The following NADK2 variants were observed in gnomAD, a reference collection of about 807,000 sequenced individuals.
NADK2 encodes NAD kinase domain-containing protein 1, mitochondrial.
Under a neutral mutation model 62.1 loss-of-function variants are expected in NADK2, and 35 were observed. The observed-to-expected ratio is 0.56, with a 90% CI of 0.43 to 0.75. The LOEUF (loss-of-function observed/expected upper bound fraction) is 0.75. Among genes scored for constraint, NADK2 ranks in the 30% least tolerant of loss-of-function variants. The pLI, the probability that NADK2 is intolerant of heterozygous loss-of-function variation, is 0.00. For synonymous variants in NADK2, 205 were observed against 207.9 expected, an observed-to-expected ratio of 0.99 and a Z score of 0.12; for missense variants, 439 against 561.3, an observed-to-expected ratio of 0.78 and a Z score of 2.20.
intron 4 of NADK2, among the ~76,000 whole-genome samples, chr5:36,224,036 G>A (rs1251288160): frequency 6.6e-6 from 1 of 152,130 alleles, no homozygotes; most frequent in Non-Finnish European, 1.5e-5. Context: ...ATTGAAGAAA[G>A]AAGGATAAGG....
At chr5:36,225,434 TA>T in intron 4 of NADK2, 107 bp downstream of exon 4, 1 of 829,000 alleles carries the variant, frequency 1.2e-6, no homozygotes. Context: ...AGACAGACCA[TA>T]AAAAGATACT....
intron 4 of NADK2, 22 bp from the exon 5 acceptor site, chr5:36,219,701 T>A (rs760676232): frequency 3.8e-6 from 6 of 1,599,798 alleles, no homozygotes; most frequent in Non-Finnish European, 5.1e-6. Context: ...CAGGAATTTT[T>A]TGGTGATATA....
chr5:36,240,665 A>G (rs1251780174), intron 1 of NADK2, among the ~76,000 whole-genome samples: 4 of 152,184 alleles, frequency 2.6e-5, no homozygotes, highest in African/African-American at 9.7e-5. Flanking sequence ...CAACAGGAAG[A>G]TTCAAACTCT....
chr5:36,226,970 C>G (rs897040657), intron 2 of NADK2, among the ~76,000 whole-genome samples: 4 of 151,992 alleles, frequency 2.6e-5, no homozygotes, highest in African/African-American at 9.7e-5. Context: ...ATTTTAAATC[C>G]AACAAATATT....
At chr5:36,216,385 A>G (rs1747043357) in intron 6 of NADK2, among the ~76,000 whole-genome samples, 1 of 151,876 alleles carries the variant, frequency 6.6e-6, no homozygotes, top group African/African-American at 2.4e-5. Flanking sequence ...CTGTCTCTTC[A>G]CTCTTGTTTC....
Position 36,211,866 on chromosome 5 carries a change from T to A in NADK2, c.838A>T (p.Ile280Phe), listed in dbSNP as rs765717947. The change falls in exon 7 of 12, where the codon ATT (isoleucine) becomes TTT (phenylalanine). Residue 280 changes from isoleucine (I) to phenylalanine (F), a missense_variant. Ile to Phe is a conservative substitution (Grantham distance 21). Transcript: ENST00000381937. ...LPVRALNEVF[I>F]GESLSSRASY... is the part of the protein sequence containing the mutation. ...TACCTGGATGACAGACTCTCCCCAA[T>A]GAAGACTTCATTTAGTGCTCTCACT... The A allele has an allele frequency of 1.2e-6, 2 of 1,613,586 alleles. No individual in the cohort carries two copies. The highest frequency in any genetic ancestry group is 1.7e-6 in the Non-Finnish European group (2 of 1,179,684).
At chr5:36,239,244 T>A (rs889755404) in intron 1 of NADK2, among the ~76,000 whole-genome samples, 3 of 152,162 alleles carry the variant, frequency 2.0e-5, no homozygotes, top group African/African-American at 7.2e-5. Flanking sequence ...ATCTTATCAC[T>A]CCTATTACAG....
intron 10 of NADK2, among the ~76,000 whole-genome samples, chr5:36,199,718 G>A (rs1746367867): frequency 6.6e-6 from 1 of 152,014 alleles, no homozygotes; most frequent in Non-Finnish European, 1.5e-5. Flanking sequence ...TTTCACAGCT[G>A]ATGTAGTAGA....
intron 7 of NADK2, among the ~76,000 whole-genome samples, chr5:36,207,536 C>A (rs1014090049): frequency 1.3e-5 from 2 of 151,484 alleles, no homozygotes; most frequent in African/African-American, 4.8e-5. Context: ...GAGCTTCTTG[C>A]AAATTTTTAG....
chr5:36,236,701 G>A (rs1747919905), intron 1 of NADK2, among the ~76,000 whole-genome samples: 1 of 152,036 alleles, frequency 6.6e-6, no homozygotes, highest in Non-Finnish European at 1.5e-5. Context: ...TAAAGGAGAT[G>A]CAATTCTTGC....
intron 1 of NADK2, among the ~76,000 whole-genome samples, chr5:36,237,130 T>A (rs1235647435): frequency 2.6e-5 from 4 of 152,204 alleles, no homozygotes; most frequent in Non-Finnish European, 5.9e-5. Flanking sequence ...GTTAAAACTT[T>A]ATATGCACAA....
Position 36,194,918 on chromosome 5 carries a change from A to C in NADK2, c.*226T>G. On this transcript the variant is annotated 3_prime_UTR_variant, in exon 12 of 12. Transcript: ENST00000381937. ...GGTTACCAATTGTAAGCAATATAAA[A>C]ATTTCACTGGTATCAATTCTAATTG... 1 of 401,708 alleles carries C rather than the reference A, an allele frequency of 2.5e-6. No individual in the cohort carries two copies. The highest frequency in any genetic ancestry group is 4.5e-5 in the Admixed American group (1 of 22,166). The allele number at this position is 401,708 out of a possible 1,614,324, so 24.9% of individuals were successfully genotyped here.
At chr5:36,227,670 T>C (rs1747534174) in intron 1 of NADK2, 105 bp from the exon 2 acceptor site, 1 of 496,916 alleles carries the variant, frequency 2.0e-6, no homozygotes, top group African/African-American at 2.0e-5. Context: ...TTTTTGAAAA[T>C]ATATTTTAAT....
intron 1 of NADK2, among the ~76,000 whole-genome samples, chr5:36,230,075 T>C (rs185229199): frequency 6.6e-6 from 1 of 152,082 alleles, no homozygotes; most frequent in Admixed American, 6.5e-5. Flanking sequence ...CTTGGCACCC[T>C]ATAGATTATT....
Position 36,200,182 on chromosome 5 carries a change from G to T in NADK2, c.1066+45C>A, listed in dbSNP as rs182708407. The T allele has an allele frequency of 2.2e-4, 305 of 1,413,254 alleles. No individual in the cohort carries two copies. In the African/African-American group the frequency reaches 4.0e-3, roughly 18 times the overall value. 87.5% of individuals were successfully genotyped at this position (1,413,254 alleles called of 1,614,324 possible). A position where few individuals can be genotyped will look rare whatever the true frequency, so the allele number is the denominator to read the frequency against. ...ACTTCACACTATCATCCTTAAAACT[G>T]AAACAGAACTAAACTGTTAGTGATT... On this transcript the variant is annotated intron_variant, in intron 10 of 11. Transcript: ENST00000381937.
At chr5:36,218,816 T>C (rs1199512244) in intron 5 of NADK2, among the ~76,000 whole-genome samples, 4 of 152,180 alleles carry the variant, frequency 2.6e-5, no homozygotes, top group Non-Finnish European at 1.5e-5. Context: ...AGAAATACTT[T>C]TATGTGAGAC....
At chr5:36,232,352 TAA>T (rs898322322) in intron 1 of NADK2, among the ~76,000 whole-genome samples, 1 of 152,184 alleles carries the variant, frequency 6.6e-6, no homozygotes, top group Non-Finnish European at 1.5e-5. Flanking sequence ...GGGAAGGAGT[TAA>T]GTTTTTTTAA....
At chr5:36,209,251 T>G (rs1746752857) in intron 7 of NADK2, among the ~76,000 whole-genome samples, 2 of 152,042 alleles carry the variant, frequency 1.3e-5, no homozygotes, top group South Asian at 4.1e-4. Flanking sequence ...ACCAACCAGA[T>G]CATTACTGCC....
rs1189617626 is a variant in NADK2 at position 36,241,862 on chromosome 5, G to A, written c.-64C>T. 2 of 1,162,192 alleles carry A rather than the reference G, an allele frequency of 1.7e-6. No homozygotes were observed. The highest frequency in any genetic ancestry group is 2.1e-6 in the Non-Finnish European group (2 of 940,038). The allele number at this position is 1,162,192 out of a possible 1,614,324, so 72.0% of individuals were successfully genotyped here. A position where few individuals can be genotyped will look rare whatever the true frequency, so the allele number is the denominator to read the frequency against. On this transcript the variant is annotated 5_prime_UTR_variant, in exon 1 of 12. Transcript: ENST00000381937. The surrounding 1 kb of genome is among the most constrained non-coding windows in gnomAD (Gnocchi z 4.9). ...CCTTGCCTCAGCTCCCTACCGCCGGGAGTGCGCGCCGTCCGCGCCGCCCGG... is the reference window on the plus strand; with the variant it reads ...CCTTGCCTCAGCTCCCTACCGCCGGAAGTGCGCGCCGTCCGCGCCGCCCGG...
Sources: allele counts gnomAD v4.1 joint callset (sites outside exome capture counted in the v4.1 genomes callset), GRCh38; gene constraint gnomAD v4.1.1; non-coding constraint Gnocchi (gnomAD v3.1); transcripts MANE v1.5; gene names NCBI Gene and HGNC (gene_info 2026-07-23, HGNC 2026-07-21).